RIC1: variants seen among roughly 807,000 people sequenced by gnomAD.
RIC1 encodes the protein RIC1 partner of RAB6A GEF complex, also known as guanine nucleotide exchange factor subunit RIC1.
Under a neutral mutation model 169.0 loss-of-function variants are expected in RIC1, and 88 were observed. The ratio of observed to expected loss-of-function variants is 0.52; its 90% CI spans 0.44 to 0.62. The LOEUF (loss-of-function observed/expected upper bound fraction) is 0.62. Among genes scored for constraint, RIC1 ranks in the 20% least tolerant of loss-of-function variants. The pLI is 0.00. For synonymous variants in RIC1, 790 were observed against 601.5 expected (o/e 1.31, Z -4.59); for missense variants, 1,877 against 1,725.5 (o/e 1.09, Z -1.56).
chr9:5,640,261 C>T (rs756533547), intron 1 of RIC1, among the ~76,000 whole-genome samples: 2 of 152,076 alleles, frequency 1.3e-5, no homozygotes, highest in African/African-American at 4.8e-5. Flanking sequence ...TACTGTGAGA[C>T]TTGCAAGTAC....
rs751195633 is a variant in RIC1 at position 5,769,404 on chromosome 9, A to ATGCCCACTGTTTGACCAAAGATG, written c.3424+150_3424+172dup. On this transcript the variant is annotated intron_variant, in intron 22 of 25. Coordinates refer to ENST00000414202, the MANE Select transcript of RIC1 (RefSeq NM_020829.4). The stretch of plus-strand genomic sequence containing the variant: ...GCCAACTTTTTGTACATGAGTTGGA[A>ATGCCCACTGTTTGACCAAAGATG]TGCCCACTGTTTGACCAAAGATGTA... 1.3e-5 allele frequency: 21 copies of ATGCCCACTGTTTGACCAAAGATG among 1,572,384 alleles called. No individual in the cohort carries two copies. In the African/African-American group the frequency reaches 1.9e-4, roughly 14 times the overall value.
intron 10 of RIC1, 113 bp downstream of exon 10, chr9:5,743,850 A>T: frequency 1.3e-6 from 1 of 773,164 alleles, no homozygotes; most frequent in Non-Finnish European, 2.1e-6. Context: ...TTACACTGTC[A>T]CCCAGGTTGG....
Position 5,746,062 on chromosome 9 carries a change from A to T in RIC1, c.1227A>T (p.Val409=). The change falls in exon 11 of 26, where the codon GTA becomes GTT. Residue 409 remains valine, a synonymous_variant. Coordinates refer to ENST00000414202, the MANE Select transcript of RIC1 (RefSeq NM_020829.4). ...SILLFQFIKS[V]LTVNPCMSNQ... The stretch of plus-strand genomic sequence containing the variant: ...TGTTATTTCAGTTTATTAAGAGTGT[A>T]CTCACTGTAAACCCTTGTATGGTAA... The T allele has an allele frequency of 1.2e-6, 2 of 1,613,460 alleles. No individual in the cohort carries two copies. Among genetic ancestry groups the T allele is most frequent in the Non-Finnish European group, 1.7e-6 (2 of 1,179,536 alleles).
chr9:5,720,774 G>T, intron 6 of RIC1, 24 bp downstream of exon 6: 1 of 1,553,528 alleles, frequency 6.4e-7, no homozygotes, highest in Non-Finnish European at 8.7e-7. Flanking sequence ...ACTTTGAAGG[G>T]TTTTTTGTTA....
chr9:5,777,184 G>C (rs143864222), downstream of RIC1, among the ~76,000 whole-genome samples: 241 of 152,128 alleles, frequency 1.6e-3, no homozygotes, highest in African/African-American at 5.3e-3. Context: ...TAATTAGGTC[G>C]TTTCATTGTT....
At position 5,738,523 on chromosome 9, in the gene RIC1, G is replaced by T. The variant is rs1262638454; in HGVS notation, c.886G>T (p.Ala296Ser). The T allele has an allele frequency of 7.0e-7, 1 of 1,437,432 alleles. No individual in the cohort carries two copies. Among genetic ancestry groups the T allele is most frequent in the East Asian group, 2.3e-5 (1 of 43,148 alleles). The allele number at this position is 1,437,432 out of a possible 1,614,324, so 89.0% of individuals were successfully genotyped here. ...GCTATCTCATAAATTAGAGCTAACA[G>T]CAAAACAGTATCCTGGTGAGTCTTT... ...MLLSHKLELT[A>S]KQYPDIWNKT... The change falls in exon 8 of 26, where the codon GCA (alanine) becomes TCA (serine). Residue 296 changes from alanine to serine, a missense_variant. Coordinates refer to ENST00000414202, the MANE Select transcript of RIC1 (RefSeq NM_020829.4).
chr9:5,671,487 GC>G (rs1237720844), intron 2 of RIC1, among the ~76,000 whole-genome samples: 1 of 151,496 alleles, frequency 6.6e-6, no homozygotes, highest in Admixed American at 6.6e-5. Context: ...TGTTGGCCAG[GC>G]TGGTCTCTAA....
intron 1 of RIC1, among the ~76,000 whole-genome samples, chr9:5,654,303 A>G (rs552860134): frequency 8.6e-5 from 13 of 151,810 alleles, no homozygotes; most frequent in Middle Eastern, 3.4e-3. Flanking sequence ...CTGGAGTGCA[A>G]TGGTGTGGTC....
At chr9:5,729,997 T>G (rs890378429) in intron 6 of RIC1, among the ~76,000 whole-genome samples, 1 of 152,120 alleles carries the variant, frequency 6.6e-6, no homozygotes, top group Non-Finnish European at 1.5e-5. Context: ...TCTCAGTGTT[T>G]ATTAGTATGT....
At chr9:5,704,384 G>T (rs1007800899) in intron 3 of RIC1, among the ~76,000 whole-genome samples, 14 of 151,636 alleles carry the variant, frequency 9.2e-5, no homozygotes, top group Non-Finnish European at 1.6e-4. Flanking sequence ...CTAATTTTTT[G>T]ATTTTTTTGT....
Position 5,656,577 on chromosome 9 carries a change from A to T in RIC1, c.145-6A>T. 6.9e-7 allele frequency: 1 copy of T among 1,447,830 alleles called. No homozygotes were observed. Among genetic ancestry groups the T allele is most frequent in the Non-Finnish European group, 9.3e-7 (1 of 1,074,966 alleles). 89.7% of individuals were successfully genotyped at this position (1,447,830 alleles called of 1,614,324 possible). A position where few individuals can be genotyped will look rare whatever the true frequency, so the allele number is the denominator to read the frequency against. ...ATACAACTTTTTTTTTTTTTTAATC[A>T]CACAGCCTAGTGTGTTAATTGTAAC... On this transcript the variant is annotated splice_polypyrimidine_tract_variant and splice_region_variant and intron_variant, in intron 1 of 25. Transcript: ENST00000414202.
chr9:5,658,301 A>T (rs1469194502), intron 2 of RIC1, among the ~76,000 whole-genome samples: 1 of 152,152 alleles, frequency 6.6e-6, no homozygotes, highest in Non-Finnish European at 1.5e-5. Context: ...TGACATCACT[A>T]GACTAAGCAC....
At chr9:5,695,232 A>T (rs1821819063) in intron 3 of RIC1, among the ~76,000 whole-genome samples, 2 of 152,234 alleles carry the variant, frequency 1.3e-5, no homozygotes, top group Non-Finnish European at 2.9e-5. Flanking sequence ...ATGAAAATTC[A>T]TAAGAAGATA....
At chr9:5,654,701 A>G (rs997334850) in intron 1 of RIC1, among the ~76,000 whole-genome samples, 2 of 151,356 alleles carry the variant, frequency 1.3e-5, no homozygotes, top group Non-Finnish European at 2.9e-5. Context: ...TTTAGTAGAG[A>G]TGTAACCACA....
chr9:5,684,652 A>C (rs925922035), intron 2 of RIC1, among the ~76,000 whole-genome samples: 1 of 152,146 alleles, frequency 6.6e-6, no homozygotes, highest in African/African-American at 2.4e-5. Flanking sequence ...GTCCTATGCA[A>C]ATGACCATAT....
intron 6 of RIC1, among the ~76,000 whole-genome samples, chr9:5,721,854 A>T (rs1356548978): frequency 1.3e-5 from 2 of 150,816 alleles, no homozygotes; most frequent in Non-Finnish European, 3.0e-5. Flanking sequence ...TTTTTCAAAC[A>T]TATTAGCTGT....
rs1431024780 is a variant in RIC1 at position 5,774,416 on chromosome 9, T to TA, written c.*175dup. Reference sequence around the variant, plus strand: ...TGTCTAAGAAATCTTTTTGACTCCATAAAAATGTGATATAAAGCATCTTTC... The same window carrying TA: ...TGTCTAAGAAATCTTTTTGACTCCATAAAAAATGTGATATAAAGCATCTTTC... On this transcript the variant is annotated 3_prime_UTR_variant, in exon 26 of 26. Coordinates refer to ENST00000414202, the MANE Select transcript of RIC1 (RefSeq NM_020829.4). 3.7e-6 allele frequency: 2 copies of TA among 538,690 alleles called. No homozygotes were observed. Among genetic ancestry groups the TA allele is most frequent in the Admixed American group, 7.0e-5 (2 of 28,596 alleles). The allele number at this position is 538,690 out of a possible 1,614,324, so 33.4% of individuals were successfully genotyped here.
chr9:5,776,662 T>G (rs1827606097), downstream of RIC1: 1 of 151,910 alleles, frequency 6.6e-6, no homozygotes, highest in African/African-American at 2.4e-5. Flanking sequence ...TCAGACAGAT[T>G]TATTTAAAAT....
chr9:5,690,162 A>G (rs973558290), intron 3 of RIC1, 124 bp downstream of exon 3: 7 of 528,292 alleles, frequency 1.3e-5, no homozygotes, highest in Admixed American at 8.0e-5. Context: ...CCCAAATAGT[A>G]TTTAAAAAAT....
Sources: allele counts gnomAD v4.1 joint callset (sites outside exome capture counted in the v4.1 genomes callset), GRCh38; gene constraint gnomAD v4.1.1; transcripts MANE v1.5; gene names NCBI Gene and HGNC (gene_info 2026-07-23, HGNC 2026-07-21).